The following THBS3 variants were observed in gnomAD, a reference collection of about 807,000 sequenced individuals.
THBS3 encodes the protein thrombospondin 3.
Under a neutral mutation model 118.3 loss-of-function variants are expected in THBS3, and 78 were observed. The ratio of observed to expected loss-of-function variants is 0.66; its 90% CI spans 0.55 to 0.80. THBS3 has a LOEUF of 0.80. Among genes scored for constraint, THBS3 ranks in the 30% least tolerant of loss-of-function variants. THBS3 has a pLI of 0.00. For synonymous variants in THBS3, 427 were observed against 475.3 expected (o/e 0.90, Z 1.32); for missense variants, 1,057 against 1,247.4 (o/e 0.85, Z 2.30).
In THBS3 at chr1:155,201,458, C is replaced by A; in HGVS notation, c.1288G>T (p.Ala430Ser). Reference sequence around the variant, plus strand: ...CCATTGCGTTCAAAGAGACAGTGAGCATGGATGTGGCAGGGGCTGTGGGCT... The same window carrying A: ...CCATTGCGTTCAAAGAGACAGTGAGAATGGATGTGGCAGGGGCTGTGGGCT... The part of the protein sequence containing the change: ...SPAHSPCHIH[A>S]HCLFERNGAV... The change falls in exon 11 of 23, where the codon GCT becomes TCT. Residue 430 changes from alanine to serine, a missense_variant. This residue lies in a region of THBS3 where 544 missense variants were observed against 715.6 expected (regional missense o/e 0.76). Transcript: ENST00000368378. The A allele has an allele frequency of 6.2e-7, 1 of 1,613,008 alleles. No individual in the cohort carries two copies. Among genetic ancestry groups the A allele is most frequent in the Non-Finnish European group, 8.5e-7 (1 of 1,179,424 alleles).
In THBS3 at chr1:155,197,279, G is replaced by A; in HGVS notation, c.2500-66C>T. The A allele has an allele frequency of 6.3e-7, 1 of 1,583,558 alleles. No individual in the cohort carries two copies. Among genetic ancestry groups the A allele is most frequent in the Admixed American group, 1.7e-5 (1 of 59,286 alleles). Reference sequence around the variant, plus strand: ...TGGAGTGAGGGGAGACAACAGGTCGGTAAGTGCAGGTGGGAAAGGGATTCA... The same window carrying A: ...TGGAGTGAGGGGAGACAACAGGTCGATAAGTGCAGGTGGGAAAGGGATTCA... On this transcript the variant is annotated intron_variant, in intron 20 of 22. Coordinates refer to ENST00000368378, the MANE Select transcript of THBS3 (RefSeq NM_007112.5). The surrounding 1 kb of genome is among the most constrained non-coding windows in gnomAD (Gnocchi z 5.0).
Position 155,201,169 on chromosome 1 carries a change from A to G in THBS3, c.1365T>C (p.Cys455=). ...NVGWAGNGNV[C]GTDTDIDGYP... ...AGCCATCGATGTCTGTGTCAGTCCC[A>G]CACACGTTCCCATTCCCAGCCCAGC... Residue 455 remains cysteine (C), a synonymous_variant, in exon 12 of 23, where the codon TGT becomes TGC. Transcript: ENST00000368378. 1 of 1,614,132 alleles carries G rather than the reference A, an allele frequency of 6.2e-7. No individual in the cohort carries two copies. Among genetic ancestry groups the G allele is most frequent in the Non-Finnish European group, 8.5e-7 (1 of 1,180,032 alleles).
intron 16 of THBS3, chr1:155,198,823 T>A (rs1669139160): frequency 1.8e-6 from 1 of 551,326 alleles, no homozygotes; most frequent in South Asian, 2.5e-5. Context: ...TAGAAGGAAT[T>A]TAGAATATAC....
chr1:155,206,072 G>C lies in THBS3; in HGVS notation c.286+128C>G. 8.9e-7 allele frequency: 1 copy of C among 1,121,686 alleles called. No homozygotes were observed. Among genetic ancestry groups the C allele is most frequent in the Non-Finnish European group, 1.3e-6 (1 of 780,890 alleles). The allele number at this position is 1,121,686 out of a possible 1,614,324, so 69.5% of individuals were successfully genotyped here. On this transcript the variant is annotated intron_variant, in intron 2 of 22. Coordinates refer to ENST00000368378, the MANE Select transcript of THBS3 (RefSeq NM_007112.5). The surrounding 1 kb of genome is among the most constrained non-coding windows in gnomAD (Gnocchi z 4.2). Reference sequence around the variant, plus strand: ...CCATACCAGGTGCCCCTGATGTCTGGGCACAGCCTGATGGGACCTTGGTCC... The same window carrying C: ...CCATACCAGGTGCCCCTGATGTCTGCGCACAGCCTGATGGGACCTTGGTCC...
upstream of THBS3, chr1:155,208,721 CCGGCCG>C: frequency 7.6e-7 from 1 of 1,323,626 alleles, no homozygotes; most frequent in Non-Finnish European, 1.0e-6. Flanking sequence ...GGCCTCCGCT[CCGGCCG>C]CCGCCACCGC....
intron 1 of THBS3, among the ~76,000 whole-genome samples, 174 bp downstream of exon 1, chr1:155,207,624 C>T (rs964063894): frequency 1.3e-5 from 2 of 152,174 alleles, no homozygotes; most frequent in African/African-American, 4.8e-5. Flanking sequence ...TCTCCGGTGC[C>T]CACTCCTCTC....
At chr1:155,209,123 C>G, upstream of THBS3, 2 of 1,542,032 alleles carry the variant, frequency 1.3e-6, no homozygotes, top group Non-Finnish European at 1.8e-6. Context: ...CAGAAGAAGC[C>G]TCGCCTCCCC....
Position 155,203,083 on chromosome 1 carries a change from C to T in THBS3, c.808+3G>A, listed in dbSNP as rs771621528. ...GTGGAGCCTCCCCTGCTCTCCCACT[C>T]ACCGCACACCTGACACTCCATAATG... On this transcript the variant is annotated splice_donor_region_variant and intron_variant, in intron 7 of 22. Coordinates refer to ENST00000368378, the MANE Select transcript of THBS3 (RefSeq NM_007112.5). 5 of 1,614,078 alleles carry T rather than the reference C, an allele frequency of 3.1e-6. No individual in the cohort carries two copies. The Admixed American group carries it at 6.7e-5, about 22-fold the overall frequency.
chr1:155,206,368 C>T lies in THBS3; in HGVS notation c.118G>A (p.Val40Ile). The change falls in exon 2 of 23, where the codon GTA becomes ATA. Residue 40 changes from valine to isoleucine, a missense_variant. Val to Ile is a conservative substitution (Grantham distance 29). This residue lies in a region of THBS3 where 206 missense variants were observed against 205.7 expected (regional missense o/e 1.00). Coordinates refer to ENST00000368378, the MANE Select transcript of THBS3 (RefSeq NM_007112.5). The surrounding 1 kb of genome is among the most constrained non-coding windows in gnomAD (Gnocchi z 4.2). Reference protein sequence around the residue: ...LLTVGESRQMVAVAEKIRTAL... With the variant: ...LLTVGESRQMIAVAEKIRTAL... The stretch of plus-strand genomic sequence containing the variant: ...GTCCGGATCTTCTCTGCCACAGCTA[C>T]CATCTGCCGAGACTCGCCCACAGTC... The T allele has an allele frequency of 6.2e-7, 1 of 1,614,146 alleles. No homozygotes were observed. The highest frequency in any genetic ancestry group is 8.5e-7 in the Non-Finnish European group (1 of 1,180,032).
Position 155,197,082 on chromosome 1 carries a change from A to AT in THBS3, c.2630dup (p.Tyr877Ter). ...GAGGCCGGTGCAGAAGCTGCCAGCGATAGGAGGTCTTGTCCCGCCAGCCCA... is the reference window on the plus strand; with the variant it reads ...GAGGCCGGTGCAGAAGCTGCCAGCGATTAGGAGGTCTTGTCCCGCCAGCCCA... ...RNVGWRDKTSYRWQLLHRPQV... is the reference protein window; with the variant it reads ...RNVGWRDKTS Residue 877 changes from tyrosine (Y) to a stop codon, truncating the protein, a stop_gained and frameshift_variant, in exon 21 of 23, where the codon TAT becomes TAAT. Coordinates refer to ENST00000368378, the MANE Select transcript of THBS3 (RefSeq NM_007112.5). LOFTEE classifies it high-confidence loss of function. This position sits in a 1 kb window ranked among gnomAD's most constrained non-coding sequence, Gnocchi z 5.0. The AT allele has an allele frequency of 1.2e-6, 2 of 1,614,108 alleles. No homozygotes were observed. Among genetic ancestry groups the AT allele is most frequent in the South Asian group, 1.1e-5 (1 of 91,090 alleles).
Position 155,206,698 on chromosome 1 carries a change from C to A in THBS3, c.80-292G>T, listed in dbSNP as rs767269702. Reference sequence around the variant, plus strand: ...AAAAAAGAAAAAAAAACCACCTAGCCGGGCGTGGTGGCGGGCACCTGTAAT... The same window carrying A: ...AAAAAAGAAAAAAAAACCACCTAGCAGGGCGTGGTGGCGGGCACCTGTAAT... On this transcript the variant is annotated intron_variant, in intron 1 of 22. Coordinates refer to ENST00000368378, the MANE Select transcript of THBS3 (RefSeq NM_007112.5). This position sits in a 1 kb window ranked among gnomAD's most constrained non-coding sequence, Gnocchi z 4.2. Among the ~76,000 whole-genome samples the A allele has an allele frequency of 6.6e-6, 1 of 151,940 alleles. No individual in the cohort carries two copies. Among genetic ancestry groups the A allele is most frequent in the Non-Finnish European group, 1.5e-5 (1 of 67,986 alleles).
upstream of THBS3, chr1:155,208,070 A>T: frequency 1.7e-6 from 1 of 588,332 alleles, no homozygotes; most frequent in South Asian, 2.0e-5. Flanking sequence ...GGGCACTGGG[A>T]AAGAATCCTG....
chr1:155,195,696 C>A lies in THBS3; in HGVS notation c.*145G>T, dbSNP rs1438186603. The A allele has an allele frequency of 1.2e-6, 1 of 834,992 alleles. No homozygotes were observed. The highest frequency in any genetic ancestry group is 1.7e-5 in the African/African-American group (1 of 58,756). 51.7% of individuals were successfully genotyped at this position (834,992 alleles called of 1,614,324 possible). A position where few individuals can be genotyped will look rare whatever the true frequency, so the allele number is the denominator to read the frequency against. On this transcript the variant is annotated 3_prime_UTR_variant, in exon 23 of 23. Coordinates refer to ENST00000368378, the MANE Select transcript of THBS3 (RefSeq NM_007112.5). ...CATCCCCTGAAGGGTGGGGTGACCACCCCTCTGGGACTGAACTCCTTTTGG... is the reference window on the plus strand; with the variant it reads ...CATCCCCTGAAGGGTGGGGTGACCAACCCTCTGGGACTGAACTCCTTTTGG...
chr1:155,203,471 TCCTCCCC>T, intron 5 of THBS3, 35 bp downstream of exon 5: 1 of 1,611,502 alleles, frequency 6.2e-7, no homozygotes, highest in Non-Finnish European at 8.5e-7. Context: ...GCCTGGGGCC[TCCTCCCC>T]GCTCCCCGCT....
chr1:155,207,747 G>A (rs979734315), intron 1 of THBS3, 51 bp downstream of exon 1: 1 of 1,589,662 alleles, frequency 6.3e-7, no homozygotes, highest in African/African-American at 1.3e-5. Context: ...TGGGCTGAGG[G>A]CAAATGGGGA....
chr1:155,195,848 C>A lies in THBS3; in HGVS notation c.2864G>T (p.Arg955Met), dbSNP rs974317487. The A allele has an allele frequency of 6.8e-6, 11 of 1,613,872 alleles. No homozygotes were observed. The African/African-American group carries it at 1.3e-4, about 20-fold the overall frequency. Residue 955 changes from arginine (R) to methionine (M), a missense_variant, in exon 23 of 23, where the codon AGG becomes ATG. Physicochemically the swap from Arg to Met is moderately conservative, Grantham distance 91. This residue lies in a region of THBS3 where 307 missense variants were observed against 326.1 expected (regional missense o/e 0.94). Coordinates refer to ENST00000368378, the MANE Select transcript of THBS3 (RefSeq NM_007112.5). The stretch of plus-strand genomic sequence containing the variant: ...AATCTGGTGGCCTCCTCCTCACACC[C>A]TTCCCTGGAGCAGCTGCCTCCGGAA... ...EPFRRQLLQG[R>M]V
At position 155,198,390 on chromosome 1, in the gene THBS3, T is replaced by A. The variant is rs776043877; in HGVS notation, c.2074+19A>T. On this transcript the variant is annotated intron_variant, in intron 17 of 22. Coordinates refer to ENST00000368378, the MANE Select transcript of THBS3 (RefSeq NM_007112.5). The stretch of plus-strand genomic sequence containing the variant: ...CAAAGGCAACACCAGTCTAACGTGC[T>A]CTGGGTCCGCAGGCTTACCATCTGA... 10 of 1,610,446 alleles carry A rather than the reference T, an allele frequency of 6.2e-6. No individual in the cohort carries two copies. Among genetic ancestry groups the A allele is most frequent in the Non-Finnish European group, 8.5e-6 (10 of 1,177,364 alleles).
At position 155,204,898 on chromosome 1, in the gene THBS3, CAG is replaced by C. The variant is rs774328771; in HGVS notation, c.601_602del (p.Leu201GlufsTer2). Reference sequence around the variant, plus strand: ...CGTCCCCTTGGAATGGACACTCACTCAGGGCTCCTACCCGGGCCATGGACCCA... The same window carrying C: ...CGTCCCCTTGGAATGGACACTCACTCGGCTCCTACCCGGGCCATGGACCCA... Reference protein sequence around the residue: ...LGGSMARVGALSECPFQGDES... With the variant: ...LGGSMARVGAXSECPFQGDES... On this transcript the variant is annotated frameshift_variant, in exon 4 of 23. Coordinates refer to ENST00000368378, the MANE Select transcript of THBS3 (RefSeq NM_007112.5). LOFTEE classifies it high-confidence loss of function. 6.2e-7 allele frequency: 1 copy of C among 1,614,000 alleles called. No individual in the cohort carries two copies. Among genetic ancestry groups the C allele is most frequent in the Non-Finnish European group, 8.5e-7 (1 of 1,180,022 alleles).
Position 155,195,870 on chromosome 1 carries a change from G to T in THBS3, c.2842C>A (p.Arg948=). The T allele has an allele frequency of 6.2e-7, 1 of 1,614,048 alleles. No homozygotes were observed. Residue 948 remains arginine (R), a synonymous_variant, in exon 23 of 23, where the codon CGG becomes AGG. Transcript: ENST00000368378. The part of the protein sequence containing the change: ...DTVPEDFEPF[R]RQLLQGRV ...ACCCTTCCCTGGAGCAGCTGCCTCC[G>T]GAATGGCTCAAAGTCCTCAGGCACT... is the stretch of plus-strand genomic sequence containing the variant.
Sources: gnomAD v4.1 joint callset for allele counts (sites outside exome capture counted in the v4.1 genomes callset) on GRCh38, gnomAD v4.1.1 for gene constraint, gnomAD v4.1.1 regional missense constraint, Gnocchi (gnomAD v3.1) non-coding constraint, MANE v1.5 for transcripts, NCBI Gene and HGNC (gene_info 2026-07-23, HGNC 2026-07-21) for gene names.